The following RIMS1 variants were observed in gnomAD, a reference collection of about 807,000 sequenced individuals.
RIMS1 encodes the protein regulating synaptic membrane exocytosis 1.
In RIMS1, 83 loss-of-function variants were observed where a neutral mutation model predicts 214.1. The observed-to-expected ratio is 0.39, with a 90% CI of 0.32 to 0.47. The LOEUF is 0.47. Ranked by LOEUF, RIMS1 falls within the 20% of genes least tolerant of loss-of-function variation. The probability of loss-of-function intolerance (pLI) is 0.99; values close to 1 mark genes in which losing one functional copy is unlikely to be tolerated. For synonymous variants in RIMS1, 793 were observed against 786.8 expected, an observed-to-expected ratio of 1.01 and a Z score of -0.13; for missense variants, 2,050 against 2,161.8, an observed-to-expected ratio of 0.95 and a Z score of 1.03.
intron 2 of RIMS1, among the ~76,000 whole-genome samples, chr6:71,975,876 C>G (rs1797008600): frequency 6.6e-6 from 1 of 152,064 alleles, no homozygotes; most frequent in African/African-American, 2.4e-5. Context: ...TTTCTAGACT[C>G]AGAGCTTGTA....
chr6:72,286,991 TAAAG>T (rs1034930428), intron 24 of RIMS1, among the ~76,000 whole-genome samples: 1 of 152,224 alleles, frequency 6.6e-6, no homozygotes, highest in Admixed American at 6.5e-5. Flanking sequence ...TCAAGCCACT[TAAAG>T]AAATGTATCA....
chr6:72,281,499 G>A (rs1208039378), intron 23 of RIMS1, among the ~76,000 whole-genome samples: 1 of 152,036 alleles, frequency 6.6e-6, no homozygotes, highest in African/African-American at 2.4e-5. Context: ...AGTTGCCAGG[G>A]ATCAGAAGAA....
intron 2 of RIMS1, among the ~76,000 whole-genome samples, chr6:72,029,078 G>A (rs1327055951): frequency 3.3e-5 from 5 of 152,040 alleles, no homozygotes. Flanking sequence ...AGTTTTGCTT[G>A]GAAACTCTTT....
chr6:72,392,687 T>G lies in RIMS1; in HGVS notation c.4506-11T>G. The G allele has an allele frequency of 1.3e-6, 2 of 1,580,924 alleles. No homozygotes were observed. Among genetic ancestry groups the G allele is most frequent in the Non-Finnish European group, 1.7e-6 (2 of 1,149,444 alleles). ...GGTTTTTTCCTTTGGTTTTTATCCT[T>G]TTGCTGATAGTTTAATATTTCCTGG... On this transcript the variant is annotated splice_polypyrimidine_tract_variant and intron_variant, in intron 30 of 33. Transcript: ENST00000521978.
At chr6:72,115,837 CT>C (rs1041534725) in intron 4 of RIMS1, among the ~76,000 whole-genome samples, 284 of 151,344 alleles carry the variant, frequency 1.9e-3, no homozygotes, top group African/African-American at 6.7e-3. Flanking sequence ...TTGAACCCAG[CT>C]TTTTTTTGCT....
At chr6:72,033,096 A>G (rs1472124930) in intron 2 of RIMS1, among the ~76,000 whole-genome samples, 2 of 152,234 alleles carry the variant, frequency 1.3e-5, no homozygotes, top group Non-Finnish European at 2.9e-5. Context: ...TGAACATTCC[A>G]GGCTTGCCTG....
At chr6:72,216,886 C>T in intron 6 of RIMS1, 1 of 1,081,916 alleles carries the variant, frequency 9.2e-7, no homozygotes, top group Non-Finnish European at 1.1e-6. Flanking sequence ...ACACTGGGAG[C>T]CACTTTAGTA....
At chr6:72,393,070 G>A (rs906309542) in intron 31 of RIMS1, among the ~76,000 whole-genome samples, 1 of 142,904 alleles carries the variant, frequency 7.0e-6, no homozygotes, top group African/African-American at 2.6e-5. Flanking sequence ...GACATGGGTG[G>A]CATTTCACAG....
At chr6:72,066,006 C>T (rs182984227) in intron 2 of RIMS1, among the ~76,000 whole-genome samples, 1 of 150,820 alleles carries the variant, frequency 6.6e-6, no homozygotes, top group East Asian at 1.9e-4. Context: ...AGATTAAGTA[C>T]AGGAACACAT....
chr6:72,314,477 G>C (rs560749355), intron 28 of RIMS1, among the ~76,000 whole-genome samples: 14 of 152,216 alleles, frequency 9.2e-5, no homozygotes, highest in South Asian at 6.2e-4. Context: ...ACAATGAATT[G>C]AATTTTGAAA....
intron 1 of RIMS1, among the ~76,000 whole-genome samples, chr6:71,952,808 C>A (rs982034434): frequency 2.6e-5 from 4 of 151,950 alleles, no homozygotes; most frequent in African/African-American, 9.7e-5. Context: ...CTGATCTCAG[C>A]TGGGGTTACT....
chr6:72,180,971 G>T (rs1229605718), intron 5 of RIMS1, among the ~76,000 whole-genome samples: 2 of 152,198 alleles, frequency 1.3e-5, no homozygotes, highest in Non-Finnish European at 2.9e-5. Context: ...GCACATAGTA[G>T]GCTTTCAGTG....
intron 29 of RIMS1, among the ~76,000 whole-genome samples, chr6:72,335,991 A>G (rs1480995056): frequency 1.3e-5 from 2 of 151,706 alleles, no homozygotes; most frequent in African/African-American, 4.8e-5. Flanking sequence ...AGATGGATAG[A>G]TTTTATTGGT....
chr6:72,348,716 G>T (rs546678795), intron 29 of RIMS1, among the ~76,000 whole-genome samples: 1 of 151,662 alleles, frequency 6.6e-6, no homozygotes, highest in South Asian at 2.1e-4. Flanking sequence ...CTTTTTTTCA[G>T]CACTCACTCC....
chr6:72,323,426 T>A (rs986001809), intron 28 of RIMS1, among the ~76,000 whole-genome samples: 9 of 151,876 alleles, frequency 5.9e-5, no homozygotes, highest in Non-Finnish European at 1.3e-4. Context: ...GAATCCATTT[T>A]AAAAAATTAA....
chr6:72,077,307 T>C (rs956435881), intron 2 of RIMS1, among the ~76,000 whole-genome samples: 1 of 152,256 alleles, frequency 6.6e-6, no homozygotes, highest in African/African-American at 2.4e-5. Context: ...CTTTTGTTAA[T>C]CTGATTTATC....
intron 28 of RIMS1, among the ~76,000 whole-genome samples, chr6:72,329,525 C>T (rs917238377): frequency 1.3e-5 from 2 of 151,318 alleles, no homozygotes; most frequent in African/African-American, 4.8e-5. Flanking sequence ...TAATCATATG[C>T]CCTTTATTAG....
chr6:72,082,302 C>T (rs2153775720), intron 2 of RIMS1, among the ~76,000 whole-genome samples: 1 of 152,238 alleles, frequency 6.6e-6, no homozygotes, highest in African/African-American at 2.4e-5. Context: ...TTCACTGTTT[C>T]CTCTATACAT....
intron 2 of RIMS1, among the ~76,000 whole-genome samples, chr6:72,066,980 T>G (rs891575300): frequency 2.6e-5 from 4 of 152,176 alleles, no homozygotes; most frequent in Non-Finnish European, 1.5e-5. Flanking sequence ...TCTGGCCATT[T>G]TCAATACCTC....
Sources: allele counts gnomAD v4.1 joint callset (sites outside exome capture counted in the v4.1 genomes callset), GRCh38; gene constraint gnomAD v4.1.1; transcripts MANE v1.5; gene names NCBI Gene and HGNC (gene_info 2026-07-23, HGNC 2026-07-21).